Variants in NELL1 observed in about 807,000 individuals in gnomAD.
NELL1 encodes the protein protein kinase C-binding protein NELL1.
Under a neutral mutation model 107.4 loss-of-function variants are expected in NELL1, and 76 were observed. The observed-to-expected ratio is 0.71, with a 90% CI of 0.59 to 0.86. The LOEUF (loss-of-function observed/expected upper bound fraction) is 0.86. NELL1 is among the 40% of genes least tolerant of loss of function. NELL1 has a pLI of 0.00. For synonymous variants in NELL1, 353 were observed against 341.2 expected (o/e 1.03, Z -0.38); for missense variants, 1,024 against 1,005.5 (o/e 1.02, Z -0.25).
rs551415287 is a variant in NELL1, at chr11:20,692,901, T to C, written c.184+14841T>C. Among the ~76,000 whole-genome samples, 10 of 152,314 alleles carry C rather than the reference T, an allele frequency of 6.6e-5. No individual in the cohort carries two copies. In the South Asian group the frequency reaches 1.9e-3, roughly 28 times the overall value. On this transcript the variant is annotated intron_variant, in intron 2 of 19. Coordinates refer to ENST00000357134, the MANE Select transcript of NELL1 (RefSeq NM_006157.5). ...GACAGTGGGGTGTTAAAGTCTCCCATTATTAATGCGTGGGAGTCTAAGTCT... is the reference window on the plus strand; with the variant it reads ...GACAGTGGGGTGTTAAAGTCTCCCACTATTAATGCGTGGGAGTCTAAGTCT...
In NELL1 at chr11:21,096,756, T is replaced by A. The variant is rs138132494; in HGVS notation, c.1301-16833T>A. 1.4e-3 allele frequency among the ~76,000 whole-genome samples: 209 copies of A among 152,280 alleles called. 1 individual carries two copies. The highest frequency in any genetic ancestry group is 4.9e-3 in the African/African-American group (204 of 41,570). ...TTTTTCTCTTTTTTGATACGGGGTC[T>A]CACTCTGTCACCCAGTGGCACAATC... On this transcript the variant is annotated intron_variant, in intron 12 of 19. Coordinates refer to ENST00000357134, the MANE Select transcript of NELL1 (RefSeq NM_006157.5).
chr11:20,756,516 A>ATTTT lies in NELL1; in HGVS notation c.185-27141_185-27138dup, dbSNP rs753445309. Among the ~76,000 whole-genome samples the ATTTT allele has an allele frequency of 3.1e-5, 3 of 97,322 alleles. 1 individual carries two copies. Among genetic ancestry groups the ATTTT allele is most frequent in the Non-Finnish European group, 4.1e-5 (2 of 48,224 alleles). 63.8% of individuals were successfully genotyped at this position (97,322 alleles called of 152,430 possible). A position where few individuals can be genotyped will look rare whatever the true frequency, so the allele number is the denominator to read the frequency against. On this transcript the variant is annotated intron_variant, in intron 2 of 19. Coordinates refer to ENST00000357134, the MANE Select transcript of NELL1 (RefSeq NM_006157.5). ...GATGGCGCCGGGCTAATTTTTTGTA[A>ATTTT]TTTTTTTTTTTTTTTTTTTTTTTTT...
intron 3 of NELL1, among the ~76,000 whole-genome samples, chr11:20,831,566 A>T (rs1269414938): frequency 6.6e-6 from 1 of 152,132 alleles, no homozygotes. Context: ...TTTGAAGCCC[A>T]CTAGTTGTTT....
At chr11:20,685,300 C>A (rs1854280823) in intron 2 of NELL1, among the ~76,000 whole-genome samples, 1 of 152,012 alleles carries the variant, frequency 6.6e-6, no homozygotes, top group Admixed American at 6.6e-5. Flanking sequence ...ATCAAATATT[C>A]ACTATAAATC....
chr11:21,490,486 A>G (rs1854775270), intron 15 of NELL1, among the ~76,000 whole-genome samples: 1 of 147,838 alleles, frequency 6.8e-6, no homozygotes, highest in African/African-American at 2.5e-5. Context: ...AAGCCAGAAT[A>G]GCCAAAGCAA....
At chr11:20,863,687 C>A (rs1332824634) in intron 4 of NELL1, among the ~76,000 whole-genome samples, 1 of 151,962 alleles carries the variant, frequency 6.6e-6, no homozygotes, top group Non-Finnish European at 1.5e-5. Context: ...AGAGACGCTC[C>A]TCACTTCCCA....
intron 15 of NELL1, among the ~76,000 whole-genome samples, chr11:21,507,432 A>G (rs1855309451): frequency 6.6e-6 from 1 of 152,212 alleles, no homozygotes; most frequent in African/African-American, 2.4e-5. Context: ...ACAATCTTTC[A>G]TTTAAAGACT....
chr11:21,505,242 G>A (rs1332722809), intron 15 of NELL1, among the ~76,000 whole-genome samples: 1 of 152,098 alleles, frequency 6.6e-6, no homozygotes, highest in East Asian at 1.9e-4. Context: ...ACTTATCTAT[G>A]CAGTAATCCT....
At chr11:20,718,022 T>G (rs1855293619) in intron 2 of NELL1, among the ~76,000 whole-genome samples, 1 of 152,200 alleles carries the variant, frequency 6.6e-6, no homozygotes, top group Non-Finnish European at 1.5e-5. Flanking sequence ...CTTGAGCTCA[T>G]GCAGTTAGTT....
chr11:21,536,063 A>G (rs1345490727), intron 16 of NELL1, among the ~76,000 whole-genome samples: 2 of 152,262 alleles, frequency 1.3e-5, no homozygotes, highest in Non-Finnish European at 2.9e-5. Context: ...TTTTTAGTGC[A>G]CAAAGGACCT....
rs759551523 is a variant in NELL1, at chr11:21,194,033, T to C, written c.1427-35299T>C. Among the ~76,000 whole-genome samples, 61 of 152,022 alleles carry C rather than the reference T, an allele frequency of 4.0e-4. 1 individual carries two copies. Among genetic ancestry groups the C allele is most frequent in the Middle Eastern group, 6.8e-3 (2 of 294 alleles). ...GATAATGATTATAATGTTAGTGTCCTTCACATTGGAAGATTTTCCAGCTAT... is the reference window on the plus strand; with the variant it reads ...GATAATGATTATAATGTTAGTGTCCCTCACATTGGAAGATTTTCCAGCTAT... On this transcript the variant is annotated intron_variant, in intron 13 of 19. Coordinates refer to ENST00000357134, the MANE Select transcript of NELL1 (RefSeq NM_006157.5).
rs753201851 is a variant in NELL1, at chr11:21,194,015, ATT to A, written c.1427-35316_1427-35315del. Among the ~76,000 whole-genome samples, 548 of 151,990 alleles carry A rather than the reference ATT, an allele frequency of 3.6e-3. 4 individuals are homozygous for A. The highest frequency in any genetic ancestry group is 5.6e-3 in the Non-Finnish European group (384 of 68,028). On this transcript the variant is annotated intron_variant, in intron 13 of 19. Transcript: ENST00000357134. ...TTTATTTCTGTTGAGCCAGATAATG[ATT>A]ATAATGTTAGTGTCCTTCACATTGG...
At chr11:21,411,273 A>G (rs1423056901) in intron 15 of NELL1, among the ~76,000 whole-genome samples, 1 of 152,076 alleles carries the variant, frequency 6.6e-6, no homozygotes, top group Non-Finnish European at 1.5e-5. Flanking sequence ...AAAGAGAATG[A>G]GAGAAAACAC....
Position 20,701,943 on chromosome 11 carries a change from G to A in NELL1, c.184+23883G>A, listed in dbSNP as rs955640161. 2.0e-5 allele frequency among the ~76,000 whole-genome samples: 3 copies of A among 152,202 alleles called. No individual in the cohort carries two copies. In the East Asian group the frequency reaches 5.8e-4, roughly 29 times the overall value. ...AGTATAGTTTGAAGTAAGGTAGCATGATGCCTCCAGTTTTGTTCTTTTGGC... is the reference window on the plus strand; with the variant it reads ...AGTATAGTTTGAAGTAAGGTAGCATAATGCCTCCAGTTTTGTTCTTTTGGC... On this transcript the variant is annotated intron_variant, in intron 2 of 19. Coordinates refer to ENST00000357134, the MANE Select transcript of NELL1 (RefSeq NM_006157.5).
chr11:20,858,258 C>T (rs1166741844), intron 4 of NELL1, among the ~76,000 whole-genome samples: 1 of 152,028 alleles, frequency 6.6e-6, no homozygotes, highest in African/African-American at 2.4e-5. Flanking sequence ...GGAAGTGCAC[C>T]CCCCTATTTC....
At position 21,402,166 on chromosome 11, in the gene NELL1, G is replaced by A. The variant is rs998291804; in HGVS notation, c.1645+31218G>A. On this transcript the variant is annotated intron_variant, in intron 15 of 19. Coordinates refer to ENST00000357134, the MANE Select transcript of NELL1 (RefSeq NM_006157.5). ...AGCAGCCATTGTAACTCCTGGTTTC[G>A]CATCTAACTTTCCTGGCGTCAACCC... 9.2e-5 allele frequency among the ~76,000 whole-genome samples: 14 copies of A among 151,650 alleles called. 1 individual carries two copies. Among genetic ancestry groups the A allele is most frequent in the African/African-American group, 1.7e-4 (7 of 41,234 alleles).
At chr11:20,743,172 G>T (rs550010576) in intron 2 of NELL1, among the ~76,000 whole-genome samples, 1 of 151,982 alleles carries the variant, frequency 6.6e-6, no homozygotes, top group African/African-American at 2.4e-5. Flanking sequence ...GGCCAACATG[G>T]TGATCTCGCC....
intron 3 of NELL1, among the ~76,000 whole-genome samples, chr11:20,802,424 C>G (rs189015100): frequency 6.9e-6 from 1 of 144,634 alleles, no homozygotes; most frequent in East Asian, 2.0e-4. Context: ...TTTTTTGTAT[C>G]CTACAAGTTT....
intron 12 of NELL1, among the ~76,000 whole-genome samples, chr11:21,078,679 G>A (rs1406723138): frequency 1.3e-5 from 2 of 152,016 alleles, no homozygotes; most frequent in Admixed American, 1.3e-4. Context: ...CATGCATACT[G>A]CATGGGTATG....
Sources: allele counts gnomAD v4.1 joint callset (sites outside exome capture counted in the v4.1 genomes callset), GRCh38; gene constraint gnomAD v4.1.1; transcripts MANE v1.5; gene names NCBI Gene and HGNC (gene_info 2026-07-23, HGNC 2026-07-21).